PATL2: variants seen among roughly 807,000 people sequenced by gnomAD.
PATL2 encodes the protein protein PAT1 homolog 2.
Under a neutral mutation model 77.0 loss-of-function variants are expected in PATL2, and 73 were observed. The observed-to-expected ratio is 0.95, with a 90% CI of 0.78 to 1.15. The LOEUF (loss-of-function observed/expected upper bound fraction) is 1.15. PATL2 is among the 50% of genes most tolerant of loss of function. The pLI is 0.00. For synonymous variants in PATL2, 265 were observed against 257.1 expected (o/e 1.03, Z -0.29); for missense variants, 618 against 655.4 (o/e 0.94, Z 0.62).
intron 9 of PATL2, among the ~76,000 whole-genome samples, chr15:44,670,344 C>A (rs1175085091): frequency 1.3e-5 from 2 of 152,164 alleles, no homozygotes; most frequent in Non-Finnish European, 2.9e-5. Flanking sequence ...CAGGCACGTG[C>A]CACCATGCCC....
chr15:44,690,185 G>A (rs967829386), intron 3 of PATL2, among the ~76,000 whole-genome samples: 43 of 151,974 alleles, frequency 2.8e-4, no homozygotes, highest in African/African-American at 9.9e-4. Context: ...GCGAAACTCC[G>A]TCTCAAAAAA....
chr15:44,680,106 G>T (rs1415743512), intron 3 of PATL2, among the ~76,000 whole-genome samples: 1 of 152,130 alleles, frequency 6.6e-6, no homozygotes, highest in East Asian at 1.9e-4. Context: ...CCCCACTCTT[G>T]CTAGTTCCAG....
chr15:44,708,616 TG>T (rs1398064168), intron 3 of PATL2, among the ~76,000 whole-genome samples: 1 of 152,262 alleles, frequency 6.6e-6, no homozygotes, highest in Non-Finnish European at 1.5e-5. Context: ...ATTTCATCCA[TG>T]TTACATGTAT....
At chr15:44,675,982 G>A in intron 4 of PATL2, 1 of 422,590 alleles carries the variant, frequency 2.4e-6, no homozygotes, top group East Asian at 4.3e-5. Context: ...AGGAGTTTGA[G>A]ATCAGCCTGG....
At position 44,674,216 on chromosome 15, in the gene PATL2, G is replaced by A; in HGVS notation, c.237C>T (p.Ser79=). The stretch of plus-strand genomic sequence containing the variant: ...TACCAGGGGCCTTGACTCCAGGGGA[G>A]CTAAGCAGAGCTCTCTGGAACAGGA... ...AVHNTQRALL[S]SPGVKAPGML... Residue 79 remains serine, a synonymous_variant, in exon 6 of 18, where the codon AGC becomes AGT. Coordinates refer to ENST00000682850, the MANE Select transcript of PATL2 (RefSeq NM_001387263.1). 1.3e-6 allele frequency: 2 copies of A among 1,548,620 alleles called. No homozygotes were observed. The highest frequency in any genetic ancestry group is 1.7e-6 in the Non-Finnish European group (2 of 1,144,310).
chr15:44,686,742 A>T (rs2086266812), intron 3 of PATL2, among the ~76,000 whole-genome samples: 1 of 152,234 alleles, frequency 6.6e-6, no homozygotes, highest in Non-Finnish European at 1.5e-5. Context: ...GATCCCACAG[A>T]AATACAAACT....
chr15:44,686,068 T>C (rs2086249245), intron 3 of PATL2, among the ~76,000 whole-genome samples: 1 of 152,168 alleles, frequency 6.6e-6, no homozygotes, highest in Non-Finnish European at 1.5e-5. Flanking sequence ...CTAATAGACA[T>C]CTACAGAACT....
intron 3 of PATL2, among the ~76,000 whole-genome samples, chr15:44,685,386 A>G (rs1361070686): frequency 1.3e-5 from 2 of 152,236 alleles, no homozygotes; most frequent in Admixed American, 6.5e-5. Flanking sequence ...AGGCGGGTGG[A>G]TCACGAGGTC....
At chr15:44,676,634 C>T in intron 3 of PATL2, 69 bp from the exon 4 acceptor site, 1 of 1,374,062 alleles carries the variant, frequency 7.3e-7, no homozygotes, top group Non-Finnish European at 1.0e-6. Context: ...CCTAAAACAG[C>T]CATGGAATCC....
chr15:44,698,406 A>T (rs1172328126), intron 3 of PATL2, among the ~76,000 whole-genome samples: 1 of 152,010 alleles, frequency 6.6e-6, no homozygotes, highest in Non-Finnish European at 1.5e-5. Context: ...TACTCTTCCC[A>T]GCCTCTGATA....
chr15:44,672,049 C>G lies in PATL2; in HGVS notation c.623G>C (p.Ser208Thr), dbSNP rs1288611664. ...GTAGTCATCCAGGCGGGGTTTTGCACTCTGCAGCTGCACCATCTGCACTTT... is the reference window on the plus strand; with the variant it reads ...GTAGTCATCCAGGCGGGGTTTTGCAGTCTGCAGCTGCACCATCTGCACTTT... ...VIKVQMVQLQ[S>T]AKPRLDDYYY... is the part of the protein sequence containing the mutation. The change falls in exon 9 of 18, where the codon AGT becomes ACT. Residue 208 changes from serine to threonine, a missense_variant. By Grantham distance (58) the Ser-to-Thr change is moderately conservative (BLOSUM62 1). Transcript: ENST00000682850. 1.9e-6 allele frequency: 3 copies of G among 1,551,718 alleles called. No homozygotes were observed. Among genetic ancestry groups the G allele is most frequent in the Non-Finnish European group, 1.7e-6 (2 of 1,146,996 alleles).
intron 15 of PATL2, 65 bp from the exon 16 acceptor site, chr15:44,667,268 G>A: frequency 8.7e-7 from 1 of 1,155,070 alleles, no homozygotes; most frequent in East Asian, 2.6e-5. Context: ...GTGCTTTCCT[G>A]ACTCTTATCT....
At chr15:44,667,906 G>A (rs569421697) in intron 15 of PATL2, among the ~76,000 whole-genome samples, 4 of 152,120 alleles carry the variant, frequency 2.6e-5, no homozygotes, top group East Asian at 1.9e-4. Context: ...TCGTGCCACT[G>A]TACTCCAGCC....
intron 3 of PATL2, among the ~76,000 whole-genome samples, chr15:44,707,863 C>T (rs1312509801): frequency 6.6e-6 from 1 of 152,206 alleles, no homozygotes; most frequent in African/African-American, 2.4e-5. Context: ...AACCTCAGAG[C>T]ACTTCAGCCC....
intron 3 of PATL2, among the ~76,000 whole-genome samples, chr15:44,688,120 C>G (rs1489364907): frequency 6.6e-6 from 1 of 151,694 alleles, no homozygotes; most frequent in African/African-American, 2.4e-5. Flanking sequence ...GTGGCGGGTG[C>G]CTGCAGCCCC....
chr15:44,709,024 G>C (rs889170859), intron 3 of PATL2, among the ~76,000 whole-genome samples: 1 of 152,104 alleles, frequency 6.6e-6, no homozygotes, highest in African/African-American at 2.4e-5. Flanking sequence ...TCAGCCTCCT[G>C]AGTAGTTGGG....
At chr15:44,710,983 G>A in intron 1 of PATL2, 37 bp downstream of exon 1, 1 of 202,368 alleles carries the variant, frequency 4.9e-6, no homozygotes, top group South Asian at 7.0e-5. Context: ...CCTTCTCTGA[G>A]CTGTCCTCAG....
At chr15:44,707,358 G>A (rs998419275) in intron 3 of PATL2, among the ~76,000 whole-genome samples, 3 of 152,080 alleles carry the variant, frequency 2.0e-5, no homozygotes, top group Middle Eastern at 3.2e-3. Flanking sequence ...AAGCCTGCAC[G>A]TCTCTGAGTC....
At chr15:44,669,923 A>AC in intron 10 of PATL2, 44 bp downstream of exon 10, 1 of 1,550,278 alleles carries the variant, frequency 6.5e-7, no homozygotes, top group Non-Finnish European at 8.7e-7. Flanking sequence ...CACTCTGTCC[A>AC]CCCAGATGCC....
Sources: allele counts gnomAD v4.1 joint callset (sites outside exome capture counted in the v4.1 genomes callset), GRCh38; gene constraint gnomAD v4.1.1; transcripts MANE v1.5; gene names NCBI Gene and HGNC (gene_info 2026-07-23, HGNC 2026-07-21).